The following RGS6 variants were observed in gnomAD, a reference collection of about 807,000 sequenced individuals.
RGS6 encodes the protein regulator of G-protein signaling 6.
In RGS6, 30 loss-of-function variants were observed where a neutral mutation model predicts 78.5. The observed-to-expected ratio is 0.38, with a 90% confidence interval of 0.29 to 0.52. The LOEUF is 0.52. Among genes scored for constraint, RGS6 ranks in the 20% least tolerant of loss-of-function variants. The pLI is 0.85. For synonymous variants in RGS6, 206 were observed against 206.0 expected (o/e 1.00, Z 0.00); for missense variants, 495 against 609.7 (o/e 0.81, Z 1.98).
intron 2 of RGS6, among the ~76,000 whole-genome samples, chr14:72,260,250 A>G (rs574713307): frequency 6.6e-6 from 1 of 152,282 alleles, no homozygotes; most frequent in South Asian, 2.1e-4. Context: ...TTTGGCTTCT[A>G]GACTTGTTGA....
At chr14:72,088,242 G>A (rs2095129305) in intron 2 of RGS6, among the ~76,000 whole-genome samples, 1 of 152,092 alleles carries the variant, frequency 6.6e-6, no homozygotes, top group Non-Finnish European at 1.5e-5. Flanking sequence ...ACATTTTGTT[G>A]GTAAGAAATA....
At chr14:72,077,407 T>A (rs1260354756) in intron 2 of RGS6, among the ~76,000 whole-genome samples, 2 of 152,210 alleles carry the variant, frequency 1.3e-5, no homozygotes, top group Non-Finnish European at 2.9e-5. Flanking sequence ...GTTTAGTTTT[T>A]TTTCGTTCCT....
At chr14:71,893,608 A>G in the RGS6 span, among the ~76,000 whole-genome samples, 11 of 152,216 alleles carry the variant, frequency 7.2e-5, no homozygotes, top group Admixed American at 2.0e-4. Flanking sequence ...CAAGGAGGGA[A>G]GGGACAGATT....
intron 4 of RGS6, among the ~76,000 whole-genome samples, chr14:72,455,465 G>C (rs1009668111): frequency 1.3e-5 from 2 of 152,192 alleles, no homozygotes; most frequent in Non-Finnish European, 2.9e-5. Flanking sequence ...CGGTGTGTCA[G>C]CTTGGCACTC....
At chr14:72,249,546 T>A (rs995700142) in intron 2 of RGS6, among the ~76,000 whole-genome samples, 12 of 152,216 alleles carry the variant, frequency 7.9e-5, no homozygotes, top group Non-Finnish European at 1.2e-4. Context: ...TACAATCATA[T>A]GTTGGGATGA....
At chr14:72,393,380 G>T (rs1328197401) in intron 3 of RGS6, among the ~76,000 whole-genome samples, 1 of 152,190 alleles carries the variant, frequency 6.6e-6, no homozygotes, top group Non-Finnish European at 1.5e-5. Context: ...TGTCCAAGCT[G>T]CCCAGAGATT....
intron 2 of RGS6, among the ~76,000 whole-genome samples, chr14:72,174,544 A>G (rs892844076): frequency 2.0e-5 from 3 of 152,184 alleles, no homozygotes; most frequent in African/African-American, 7.2e-5. Context: ...TCTCCCCAGA[A>G]TATATCATGT....
intron 14 of RGS6, chr14:72,515,948 A>C (rs1233770627): frequency 6.6e-6 from 1 of 152,374 alleles, no homozygotes; most frequent in East Asian, 1.9e-4. Flanking sequence ...TTGTGTGAGA[A>C]GTTGCAGGGG....
chr14:72,464,643 T>C (rs1331297624), intron 6 of RGS6: 1 of 152,242 alleles, frequency 6.6e-6, no homozygotes, highest in Non-Finnish European at 1.5e-5. Context: ...CATTTATTTA[T>C]GCCATTCATC....
chr14:72,611,502 C>T, the RGS6 span, among the ~76,000 whole-genome samples: 1 of 152,018 alleles, frequency 6.6e-6, no homozygotes, highest in South Asian at 2.1e-4. Context: ...CCAATCTGTA[C>T]TTGAAGCCCC....
the RGS6 span, among the ~76,000 whole-genome samples, chr14:71,923,641 G>A: frequency 6.6e-6 from 1 of 152,138 alleles, no homozygotes; most frequent in Non-Finnish European, 1.5e-5. Context: ...GCAACATCAT[G>A]AGTGAATCTA....
the RGS6 span, among the ~76,000 whole-genome samples, chr14:72,598,218 G>T: frequency 6.6e-6 from 1 of 152,222 alleles, no homozygotes; most frequent in Non-Finnish European, 1.5e-5. Context: ...TGCCGGAGTT[G>T]AGCTCTGCCC....
At chr14:71,877,653 T>C in the RGS6 span, among the ~76,000 whole-genome samples, 1 of 152,228 alleles carries the variant, frequency 6.6e-6, no homozygotes, top group Non-Finnish European at 1.5e-5. Flanking sequence ...AGTTTGTTAT[T>C]ACCGATTGTC....
At chr14:72,463,691 A>AAAG (rs2095837570) in intron 6 of RGS6, among the ~76,000 whole-genome samples, 1 of 152,210 alleles carries the variant, frequency 6.6e-6, no homozygotes, top group South Asian at 2.1e-4. Flanking sequence ...CAGCATTGTC[A>AAAG]AAGCAGCTGC....
At chr14:72,463,196 G>T (rs1200188729) in intron 6 of RGS6, among the ~76,000 whole-genome samples, 1 of 152,170 alleles carries the variant, frequency 6.6e-6, no homozygotes, top group African/African-American at 2.4e-5. Flanking sequence ...GTAAGGACAA[G>T]GAAATAGAAA....
chr14:72,459,721 A>T, intron 6 of RGS6, 38 bp downstream of exon 6: 1 of 1,596,742 alleles, frequency 6.3e-7, no homozygotes, highest in Non-Finnish European at 8.6e-7. Context: ...CAACTTCAAC[A>T]CTGTGTGTCA....
At chr14:72,138,182 C>T (rs999436932) in intron 2 of RGS6, among the ~76,000 whole-genome samples, 5 of 152,128 alleles carry the variant, frequency 3.3e-5, no homozygotes, top group African/African-American at 1.2e-4. Context: ...AATATGGAAT[C>T]TTCAAATGCC....
intron 2 of RGS6, among the ~76,000 whole-genome samples, chr14:72,044,116 A>G (rs2092653358): frequency 6.6e-6 from 1 of 151,778 alleles, no homozygotes; most frequent in Admixed American, 6.6e-5. Context: ...AACATTCTTC[A>G]CTTCTGTTTG....
At chr14:72,464,400 T>C (rs1343291244) in intron 6 of RGS6, among the ~76,000 whole-genome samples, 1 of 152,202 alleles carries the variant, frequency 6.6e-6, no homozygotes, top group Non-Finnish European at 1.5e-5. Context: ...CTGACTCCTA[T>C]GAGCACACAA....
Sources: allele counts gnomAD v4.1 joint callset (sites outside exome capture counted in the v4.1 genomes callset), GRCh38; gene constraint gnomAD v4.1.1; transcripts MANE v1.5; gene names NCBI Gene and HGNC (gene_info 2026-07-23, HGNC 2026-07-21).